The following RIPOR2 variants were observed in gnomAD, a reference collection of about 807,000 sequenced individuals.
The protein encoded by RIPOR2 is rho family-interacting cell polarization regulator 2.
Under a neutral mutation model 114.5 loss-of-function variants are expected in RIPOR2, and 39 were observed. That is an observed-to-expected ratio of 0.34 (90% CI 0.26 to 0.44). The LOEUF (loss-of-function observed/expected upper bound fraction) is 0.44. Ranked by LOEUF, RIPOR2 falls within the 20% of genes least tolerant of loss-of-function variation. RIPOR2 has a pLI of 1.00. For synonymous variants in RIPOR2, 445 were observed against 484.4 expected (o/e 0.92, Z 1.07); for missense variants, 1,007 against 1,255.1 (o/e 0.80, Z 2.99).
chr6:24,999,978 A>C (rs919758846), intron 1 of RIPOR2, among the ~76,000 whole-genome samples: 1 of 152,216 alleles, frequency 6.6e-6, no homozygotes, highest in Non-Finnish European at 1.5e-5. Flanking sequence ...TGGTGAGAGA[A>C]GGTCAGCCAG....
chr6:24,969,953 C>T (rs978344791), intron 1 of RIPOR2, among the ~76,000 whole-genome samples: 1 of 152,186 alleles, frequency 6.6e-6, no homozygotes, highest in Admixed American at 6.5e-5. Context: ...TAGAACTGTG[C>T]TGCACATGGT....
Position 24,830,705 on chromosome 6 carries a change from CATTTT to C in RIPOR2, c.2345-40_2345-36del, listed in dbSNP as rs201720413. The C allele has an allele frequency of 2.2e-3, 3,291 of 1,520,690 alleles. 15 individuals carry two copies. Among genetic ancestry groups the C allele is most frequent in the African/African-American group, 0.017 (1,225 of 71,112 alleles). The allele number at this position is 1,520,690 out of a possible 1,614,324, so 94.2% of individuals were successfully genotyped here. A position where few individuals can be genotyped will look rare whatever the true frequency, so the allele number is the denominator to read the frequency against. On this transcript the variant is annotated intron_variant, in intron 16 of 21. Transcript: ENST00000643898. ...AAGAGCAACCCCCCATCTCGTAACA[CATTTT>C]ATTTTATTTTATTTTATTTTTTTGA...
At chr6:24,980,929 A>G (rs1241369929) in intron 1 of RIPOR2, among the ~76,000 whole-genome samples, 1 of 152,162 alleles carries the variant, frequency 6.6e-6, no homozygotes, top group Non-Finnish European at 1.5e-5. Context: ...CTGAATGAAC[A>G]CATTCATTCA....
At chr6:25,034,182 C>T (rs1777130098) in intron 1 of RIPOR2, among the ~76,000 whole-genome samples, 1 of 151,906 alleles carries the variant, frequency 6.6e-6, no homozygotes, top group Non-Finnish European at 1.5e-5. Context: ...ATGACTTTCT[C>T]TCTGTTGTAT....
chr6:25,023,841 G>A lies in RIPOR2; in HGVS notation c.76+18010C>T, dbSNP rs1776459116. 3 of 737,388 alleles carry A rather than the reference G, an allele frequency of 4.1e-6. No homozygotes were observed. In the East Asian group the frequency reaches 7.7e-5, roughly 19 times the overall value. The allele number at this position is 737,388 out of a possible 1,614,324, so 45.7% of individuals were successfully genotyped here. A position where few individuals can be genotyped will look rare whatever the true frequency, so the allele number is the denominator to read the frequency against. On this transcript the variant is annotated intron_variant, in intron 1 of 13. Transcript: ENST00000510784. ...CGATCTCGAGGATGTCAGGGGTGTTGGGGGCTTTGACCGGTTCCTAGGTCT... is the reference window on the plus strand; with the variant it reads ...CGATCTCGAGGATGTCAGGGGTGTTAGGGGCTTTGACCGGTTCCTAGGTCT...
chr6:24,958,707 G>T (rs621948), intron 1 of RIPOR2, among the ~76,000 whole-genome samples: 46,522 of 151,978 alleles, frequency 0.31, 7,931 homozygotes, highest in Non-Finnish European at 0.39. Context: ...TTGGGTATAC[G>T]ATGGTTTATT....
At chr6:24,991,536 G>T (rs1774815347) in intron 1 of RIPOR2, among the ~76,000 whole-genome samples, 1 of 152,084 alleles carries the variant, frequency 6.6e-6, no homozygotes, top group Non-Finnish European at 1.5e-5. Context: ...CCCCTGCTAG[G>T]TAACCAAGGG....
At chr6:24,965,328 G>T (rs1581885278) in intron 1 of RIPOR2, among the ~76,000 whole-genome samples, 2 of 152,004 alleles carry the variant, frequency 1.3e-5, no homozygotes, top group South Asian at 4.1e-4. Flanking sequence ...TATAGAAACA[G>T]GGTTTCACCA....
At chr6:24,967,113 G>A (rs1773562038) in intron 1 of RIPOR2, among the ~76,000 whole-genome samples, 1 of 152,196 alleles carries the variant, frequency 6.6e-6, no homozygotes, top group Admixed American at 6.5e-5. Context: ...ATAATTAGAA[G>A]GGCTAGTGAG....
intron 1 of RIPOR2, among the ~76,000 whole-genome samples, chr6:25,038,659 G>A (rs1212187678): frequency 6.6e-6 from 1 of 152,196 alleles, no homozygotes; most frequent in African/African-American, 2.4e-5. Context: ...AGCTTGGAAG[G>A]AGACCCTGAG....
chr6:24,824,385 CAGTGCCTTAGACAAGTTAAACAAACGG>C (rs1223732831), intron 19 of RIPOR2, among the ~76,000 whole-genome samples: 1 of 152,188 alleles, frequency 6.6e-6, no homozygotes, highest in Non-Finnish European at 1.5e-5. Context: ...TTAGCTTAGG[CAGTGCCTTAGACAAGTTAAACAAACGG>C]AGTTCAACAT....
At chr6:25,041,763 A>C (rs9356959) in intron 1 of RIPOR2, 18 of 645,042 alleles carry the variant, frequency 2.8e-5, no homozygotes, top group Non-Finnish European at 3.9e-5. Flanking sequence ...AGATTGGAGA[A>C]GATTTGCAGA....
intron 1 of RIPOR2, among the ~76,000 whole-genome samples, chr6:24,878,151 C>G (rs1308487810): frequency 6.6e-6 from 1 of 152,222 alleles, no homozygotes; most frequent in Non-Finnish European, 1.5e-5. Context: ...CCTGAACGTA[C>G]TGACATACTG....
intron 1 of RIPOR2, among the ~76,000 whole-genome samples, chr6:24,996,994 T>C (rs1775077430): frequency 2.0e-5 from 3 of 152,228 alleles, no homozygotes; most frequent in African/African-American, 7.2e-5. Context: ...GGGGCAATCA[T>C]ACATACGCTG....
chr6:25,033,136 C>T (rs140488303), intron 1 of RIPOR2, among the ~76,000 whole-genome samples: 1 of 151,676 alleles, frequency 6.6e-6, no homozygotes, highest in Non-Finnish European at 1.5e-5. Context: ...CCCAGGGGTT[C>T]GAGGCTGCAG....
rs1329239580 is a variant in RIPOR2, at chr6:24,840,521, G to A, written c.1858-1249C>T. The A allele has an allele frequency of 2.1e-5, 30 of 1,420,200 alleles. No individual in the cohort carries two copies. The South Asian group carries it at 4.2e-4, about 20-fold the overall frequency. 88.0% of individuals were successfully genotyped at this position (1,420,200 alleles called of 1,614,324 possible). On this transcript the variant is annotated intron_variant, in intron 13 of 21. Transcript: ENST00000643898. ...CAAATATTCAAGAGGATGCTGGGGT[G>A]GGTCGAATGGGACAAATTCTGCAAG... is the stretch of plus-strand genomic sequence containing the variant.
At chr6:24,884,281 T>C (rs778473324) in intron 1 of RIPOR2, among the ~76,000 whole-genome samples, 13 of 151,892 alleles carry the variant, frequency 8.6e-5, no homozygotes, top group South Asian at 2.1e-4. Context: ...TGGTGGTGGG[T>C]GCCTGTAGTC....
intron 1 of RIPOR2, among the ~76,000 whole-genome samples, chr6:24,926,466 G>A (rs1302643023): frequency 1.3e-5 from 2 of 152,212 alleles, no homozygotes; most frequent in African/African-American, 4.8e-5. Context: ...AAGTAATCAT[G>A]TATGTATTCT....
upstream of RIPOR2, among the ~76,000 whole-genome samples, chr6:24,937,253 T>C (rs1379401661): frequency 6.6e-6 from 1 of 152,154 alleles, no homozygotes; most frequent in South Asian, 2.1e-4. Flanking sequence ...CTTGGAAATG[T>C]CTGGGGTGTT....
Sources: allele counts gnomAD v4.1 joint callset (sites outside exome capture counted in the v4.1 genomes callset), GRCh38; gene constraint gnomAD v4.1.1; transcripts MANE v1.5; gene names NCBI Gene and HGNC (gene_info 2026-07-23, HGNC 2026-07-21).